Variants in FSHR observed in about 807,000 individuals in gnomAD.
FSHR encodes the protein follicle-stimulating hormone receptor.
A neutral mutation model predicts 52.1 loss-of-function variants in FSHR; 46 were observed. The observed-to-expected ratio is 0.88, with a 90% CI of 0.70 to 1.13. The LOEUF (loss-of-function observed/expected upper bound fraction) is 1.13. Ranked by LOEUF, FSHR falls within the 50% of genes most tolerant of loss-of-function variation. The pLI is 0.00. For synonymous variants in FSHR, 399 were observed against 309.6 expected, an observed-to-expected ratio of 1.29 and a Z score of -3.03; for missense variants, 964 against 834.6, an observed-to-expected ratio of 1.16 and a Z score of -1.91.
At chr2:49,106,466 A>G (rs1310229933) in intron 1 of FSHR, among the ~76,000 whole-genome samples, 2 of 152,146 alleles carry the variant, frequency 1.3e-5, no homozygotes, top group Non-Finnish European at 1.5e-5. Context: ...ACCTTCAATA[A>G]TTTTACAGTT....
chr2:48,971,315 A>G (rs112075643), intron 8 of FSHR, among the ~76,000 whole-genome samples: 1 of 152,132 alleles, frequency 6.6e-6, no homozygotes, highest in African/African-American at 2.4e-5. Context: ...TAAAAGTGCA[A>G]ATCTCATCCC....
intron 1 of FSHR, among the ~76,000 whole-genome samples, chr2:49,134,477 C>G (rs1672413776): frequency 6.6e-6 from 1 of 152,150 alleles, no homozygotes; most frequent in South Asian, 2.1e-4. Flanking sequence ...GGACTGTAAA[C>G]TAGTTCAACC....
At chr2:49,102,621 A>G (rs1416170374) in intron 1 of FSHR, among the ~76,000 whole-genome samples, 1 of 152,220 alleles carries the variant, frequency 6.6e-6, no homozygotes, top group Non-Finnish European at 1.5e-5. Flanking sequence ...GAAGTTCAGT[A>G]AAGTGATAGT....
chr2:48,985,123 GATGATGAC>G (rs1675433825), intron 6 of FSHR, among the ~76,000 whole-genome samples: 2 of 152,032 alleles, frequency 1.3e-5, no homozygotes, highest in African/African-American at 4.8e-5. Flanking sequence ...CGATGATGAC[GATGATGAC>G]GATGACTACA....
chr2:49,090,124 AGTGTGT>A (rs35574043), intron 1 of FSHR, among the ~76,000 whole-genome samples: 16,652 of 148,832 alleles, frequency 0.11, 1,156 homozygotes, highest in East Asian at 0.28. Flanking sequence ...AGTAAAATCG[AGTGTGT>A]GTGTGTGTGT....
intron 8 of FSHR, among the ~76,000 whole-genome samples, chr2:48,981,223 A>T (rs1160825364): frequency 1.3e-5 from 2 of 152,184 alleles, no homozygotes; most frequent in Non-Finnish European, 2.9e-5. Context: ...TCATAGATAG[A>T]TCATGACTTG....
chr2:48,967,585 C>T (rs1674534121), intron 9 of FSHR, among the ~76,000 whole-genome samples: 1 of 152,184 alleles, frequency 6.6e-6, no homozygotes, highest in African/African-American at 2.4e-5. Context: ...TTGAGCTGAT[C>T]TATGAAGAGT....
intron 1 of FSHR, among the ~76,000 whole-genome samples, chr2:49,095,867 T>A (rs1261064751): frequency 1.3e-5 from 2 of 152,100 alleles, no homozygotes; most frequent in Non-Finnish European, 2.9e-5. Flanking sequence ...GAAAAGATGC[T>A]CAATATCATT....
intron 4 of FSHR, among the ~76,000 whole-genome samples, chr2:48,991,374 A>C (rs1223484280): frequency 1.3e-5 from 2 of 152,208 alleles, no homozygotes; most frequent in Non-Finnish European, 2.9e-5. Context: ...ACTGGTGATT[A>C]GTTCCTAATC....
rs1454452105 is a variant in FSHR, at chr2:49,094,637, C to G, written c.153-26347G>C. Among the ~76,000 whole-genome samples, 5 of 152,094 alleles carry G rather than the reference C, an allele frequency of 3.3e-5. No individual in the cohort carries two copies. The East Asian group carries it at 9.6e-4, about 29-fold the overall frequency. ...GTTGTTCCATGAATGGAAACAAAAA[C>G]ACAACATCCTGACTTATGGGATTCA... On this transcript the variant is annotated intron_variant, in intron 1 of 9. Transcript: ENST00000406846.
At chr2:49,137,638 A>G (rs1466810393) in intron 1 of FSHR, among the ~76,000 whole-genome samples, 2 of 152,164 alleles carry the variant, frequency 1.3e-5, no homozygotes, top group African/African-American at 4.8e-5. Flanking sequence ...GGATAGATAT[A>G]TAAGTAAATG....
intron 1 of FSHR, among the ~76,000 whole-genome samples, chr2:49,100,223 A>C (rs1670977988): frequency 6.6e-6 from 1 of 152,130 alleles, no homozygotes; most frequent in Admixed American, 6.6e-5. Context: ...TAGTGCCATA[A>C]TTCAGTTCTA....
intron 3 of FSHR, 137 bp from the exon 4 acceptor site, chr2:49,017,700 A>G: frequency 1.4e-6 from 1 of 719,154 alleles, no homozygotes; most frequent in South Asian, 1.5e-5. Context: ...CCATCCATCC[A>G]TCCATCATTT....
At chr2:49,050,505 C>T (rs1016767516) in intron 2 of FSHR, among the ~76,000 whole-genome samples, 1 of 152,174 alleles carries the variant, frequency 6.6e-6, no homozygotes, top group Admixed American at 6.5e-5. Context: ...GTCAATCCCT[C>T]TTTTACCTTA....
At chr2:49,110,403 T>A (rs1671382160) in intron 1 of FSHR, among the ~76,000 whole-genome samples, 1 of 152,160 alleles carries the variant, frequency 6.6e-6, no homozygotes, top group Non-Finnish European at 1.5e-5. Flanking sequence ...TAAAGTTCAG[T>A]AAGACTTTAT....
At chr2:48,967,629 A>G (rs116597413) in intron 9 of FSHR, among the ~76,000 whole-genome samples, 37 of 152,346 alleles carry the variant, frequency 2.4e-4, no homozygotes, top group African/African-American at 8.9e-4. Flanking sequence ...TGATGCATGC[A>G]GATTCTGAAA....
At chr2:49,103,213 G>A (rs1671098476) in intron 1 of FSHR, among the ~76,000 whole-genome samples, 1 of 152,104 alleles carries the variant, frequency 6.6e-6, no homozygotes, top group East Asian at 1.9e-4. Context: ...TTACTTGGAA[G>A]GAAATAGGAG....
At chr2:48,992,547 C>T (rs4952934) in intron 4 of FSHR, among the ~76,000 whole-genome samples, 16,636 of 152,080 alleles carry the variant, frequency 0.11, 1,139 homozygotes, top group East Asian at 0.28. Context: ...CCTCTTTCAG[C>T]GATACGAAGT....
chr2:49,001,018 T>C (rs577109395), intron 4 of FSHR, among the ~76,000 whole-genome samples: 1 of 152,266 alleles, frequency 6.6e-6, no homozygotes, highest in East Asian at 1.9e-4. Context: ...TTTCATATGA[T>C]CTCATTTGAC....
Sources: allele counts gnomAD v4.1 joint callset (sites outside exome capture counted in the v4.1 genomes callset), GRCh38; gene constraint gnomAD v4.1.1; transcripts MANE v1.5; gene names NCBI Gene and HGNC (gene_info 2026-07-23, HGNC 2026-07-21).